The following SH3BP5 variants were observed in gnomAD, a reference collection of about 807,000 sequenced individuals.
SH3BP5 encodes SH3 domain binding protein 5, also known as SH3 domain-binding protein 5.
Under a neutral mutation model 43.3 loss-of-function variants are expected in SH3BP5, and 22 were observed. That is an observed-to-expected ratio of 0.51 (90% CI 0.36 to 0.73). The LOEUF is 0.73. Ranked by LOEUF, SH3BP5 falls within the 30% of genes least tolerant of loss-of-function variation. The pLI is 0.00. For missense variants in SH3BP5, 529 were observed against 586.9 expected (o/e 0.90, Z 1.02); for synonymous variants, 255 against 225.8 (o/e 1.13, Z -1.16).
chr3:15,340,719 G>A (rs1043324938), intron 1 of SH3BP5, among the ~76,000 whole-genome samples: 9 of 151,600 alleles, frequency 5.9e-5, no homozygotes, highest in Non-Finnish European at 1.3e-4. Flanking sequence ...CCACTGTACT[G>A]CAGCCTGGGT....
intron 2 of SH3BP5, 102 bp downstream of exon 2, chr3:15,330,402 G>T (rs897162720): frequency 2.2e-6 from 2 of 919,888 alleles, no homozygotes; most frequent in South Asian, 1.4e-5. Flanking sequence ...CCAAGGAGGG[G>T]GGTCCAGCAA....
chr3:15,278,297 A>G (rs1457710415), intron 3 of SH3BP5, among the ~76,000 whole-genome samples: 2 of 152,088 alleles, frequency 1.3e-5, no homozygotes, highest in Admixed American at 6.5e-5. Context: ...CTTTGAAAAC[A>G]TGGTCAATAA....
chr3:15,337,211 T>C (rs1401399827), upstream of SH3BP5, among the ~76,000 whole-genome samples: 1 of 150,458 alleles, frequency 6.6e-6, no homozygotes, highest in Non-Finnish European at 1.5e-5. Context: ...CAGCCTCCTG[T>C]GTAGCTGGGA....
intron 3 of SH3BP5, among the ~76,000 whole-genome samples, chr3:15,287,720 C>T (rs370548873): frequency 1.3e-5 from 2 of 152,176 alleles, no homozygotes; most frequent in African/African-American, 2.4e-5. Flanking sequence ...GACTGGATTA[C>T]GCAATGATGC....
At chr3:15,326,957 T>C (rs982657829) in intron 2 of SH3BP5, among the ~76,000 whole-genome samples, 1 of 152,198 alleles carries the variant, frequency 6.6e-6, no homozygotes, top group Non-Finnish European at 1.5e-5. Flanking sequence ...AGATTAATAT[T>C]GATCAGTTGA....
intron 5 of SH3BP5, chr3:15,260,005 C>G (rs1034264642): frequency 3.3e-6 from 2 of 605,468 alleles, no homozygotes; most frequent in Admixed American, 5.8e-5. Context: ...ACTGGGCTCA[C>G]CCAGGGCTAT....
chr3:15,272,185 C>A (rs1267530471), intron 3 of SH3BP5, among the ~76,000 whole-genome samples: 1 of 152,198 alleles, frequency 6.6e-6, no homozygotes, highest in African/African-American at 2.4e-5. Flanking sequence ...AGACTCAGAG[C>A]ACGCCAGCCC....
chr3:15,258,686 TA>T lies in SH3BP5; in HGVS notation c.889+144del. On this transcript the variant is annotated intron_variant, in intron 7 of 8. Coordinates refer to ENST00000383791, the MANE Select transcript of SH3BP5 (RefSeq NM_004844.5). ...CCTTCTTAATGAACACAGTGTTCCA[TA>T]AAACATGGGAACCCACCAGAAATAG... is the stretch of plus-strand genomic sequence containing the variant. The T allele has an allele frequency of 7.8e-6, 5 of 644,052 alleles. 1 individual carries two copies. In the Admixed American group the frequency reaches 1.2e-4, roughly 15 times the overall value. The allele number at this position is 644,052 out of a possible 1,614,324, so 39.9% of individuals were successfully genotyped here.
At chr3:15,272,172 CAG>C (rs1196703431) in intron 3 of SH3BP5, among the ~76,000 whole-genome samples, 5 of 152,150 alleles carry the variant, frequency 3.3e-5, no homozygotes, top group African/African-American at 1.2e-4. Flanking sequence ...ACAAAAAAAT[CAG>C]AGACTCAGAG....
chr3:15,309,479 C>T (rs765586732), intron 2 of SH3BP5, among the ~76,000 whole-genome samples: 11 of 152,146 alleles, frequency 7.2e-5, no homozygotes, highest in Non-Finnish European at 1.5e-4. Flanking sequence ...AACTCCTGGG[C>T]TCAAGGGATC....
intron 6 of SH3BP5, 100 bp from the exon 7 acceptor site, chr3:15,259,150 T>C: frequency 1.1e-6 from 1 of 937,230 alleles, no homozygotes. Flanking sequence ...ATCATTCTAC[T>C]TCAAGGAATT....
At chr3:15,321,300 C>G (rs933821848) in intron 2 of SH3BP5, among the ~76,000 whole-genome samples, 1 of 152,062 alleles carries the variant, frequency 6.6e-6, no homozygotes, top group South Asian at 2.1e-4. Flanking sequence ...GGTTTCTTGG[C>G]TGTAGAAGAT....
chr3:15,306,955 G>A (rs563611236), intron 2 of SH3BP5, among the ~76,000 whole-genome samples: 1 of 152,262 alleles, frequency 6.6e-6, no homozygotes, highest in African/African-American at 2.4e-5. Flanking sequence ...TTACAGGTGT[G>A]AGCCACGGCA....
At chr3:15,341,137 T>C (rs1161566498) in intron 1 of SH3BP5, 1 of 152,152 alleles carries the variant, frequency 6.6e-6, no homozygotes, top group Non-Finnish European at 1.5e-5. Flanking sequence ...AAACCTAAAC[T>C]CTTCCCTGGG....
intron 3 of SH3BP5, among the ~76,000 whole-genome samples, chr3:15,284,008 G>C (rs1216596643): frequency 6.6e-6 from 1 of 152,194 alleles, no homozygotes; most frequent in Non-Finnish European, 1.5e-5. Context: ...AGGAGACTGG[G>C]ACTCATACCC....
At chr3:15,315,012 C>G (rs1168011741) in intron 2 of SH3BP5, among the ~76,000 whole-genome samples, 1 of 151,942 alleles carries the variant, frequency 6.6e-6, no homozygotes, top group Non-Finnish European at 1.5e-5. Flanking sequence ...AGGTGAGAGA[C>G]AGAAAAAAGC....
At chr3:15,289,547 C>A (rs1398636651) in intron 3 of SH3BP5, among the ~76,000 whole-genome samples, 2 of 152,156 alleles carry the variant, frequency 1.3e-5, no homozygotes, top group African/African-American at 4.8e-5. Flanking sequence ...TTTAGGTCCT[C>A]TGTTAGTTGA....
chr3:15,328,724 G>C (rs1379777604), intron 2 of SH3BP5, among the ~76,000 whole-genome samples: 1 of 152,124 alleles, frequency 6.6e-6, no homozygotes, highest in African/African-American at 2.4e-5. Context: ...ATAGAATGCA[G>C]GAACTGGAGG....
chr3:15,291,816 T>C (rs1468827081), intron 3 of SH3BP5, among the ~76,000 whole-genome samples: 1 of 152,230 alleles, frequency 6.6e-6, no homozygotes, highest in Non-Finnish European at 1.5e-5. Flanking sequence ...CATAAATCTC[T>C]AAGTCTTATC....
Sources: gnomAD v4.1 joint callset for allele counts (sites outside exome capture counted in the v4.1 genomes callset) on GRCh38, gnomAD v4.1.1 for gene constraint, MANE v1.5 for transcripts, NCBI Gene and HGNC (gene_info 2026-07-23, HGNC 2026-07-21) for gene names.